SLC7A7: variants seen among roughly 807,000 people sequenced by gnomAD.
The protein encoded by SLC7A7 is Y+L amino acid transporter 1.
A neutral mutation model predicts 47.9 loss-of-function variants in SLC7A7; 39 were observed. The observed-to-expected ratio is 0.81, with a 90% confidence interval of 0.63 to 1.06. SLC7A7 has a LOEUF of 1.06. SLC7A7 is among the 50% of genes least tolerant of loss of function. The probability of loss-of-function intolerance (pLI) is 0.00; values close to 1 mark genes in which losing one functional copy is unlikely to be tolerated. For synonymous variants in SLC7A7, 234 were observed against 242.8 expected (o/e 0.96, Z 0.34); for missense variants, 588 against 632.0 (o/e 0.93, Z 0.75).
At chr14:22,810,839 G>A (rs561713765) in intron 2 of SLC7A7, among the ~76,000 whole-genome samples, 5 of 152,064 alleles carry the variant, frequency 3.3e-5, no homozygotes, top group Non-Finnish European at 5.9e-5. Context: ...TTAGCCAGGC[G>A]TGGTGGCACA....
intron 2 of SLC7A7, among the ~76,000 whole-genome samples, chr14:22,800,521 A>C (rs539273418): frequency 6.6e-6 from 1 of 152,280 alleles, no homozygotes; most frequent in African/African-American, 2.4e-5. Flanking sequence ...GGGTGCTACA[A>C]CACTCATTCT....
intron 2 of SLC7A7, among the ~76,000 whole-genome samples, chr14:22,793,484 C>A (rs1566452441): frequency 6.6e-6 from 1 of 152,096 alleles, no homozygotes; most frequent in Non-Finnish European, 1.5e-5. Context: ...ACTAGATTGC[C>A]TTTGTAGGAC....
At chr14:22,794,492 G>C (rs2038978254) in intron 2 of SLC7A7, among the ~76,000 whole-genome samples, 1 of 151,984 alleles carries the variant, frequency 6.6e-6, no homozygotes. Context: ...CTTAGCTAGG[G>C]GTCAGTTCAA....
chr14:22,780,243 T>G, intron 2 of SLC7A7, 192 bp from the exon 3 acceptor site: 1 of 593,890 alleles, frequency 1.7e-6, no homozygotes. Flanking sequence ...AAGGCCTCTA[T>G]ACTCCCCACC....
intron 2 of SLC7A7, among the ~76,000 whole-genome samples, chr14:22,796,177 C>T (rs549933090): frequency 3.3e-5 from 5 of 152,060 alleles, no homozygotes; most frequent in Non-Finnish European, 7.4e-5. Context: ...GTAGAAGGTT[C>T]AAAGGGCAAA....
intron 4 of SLC7A7, among the ~76,000 whole-genome samples, chr14:22,776,671 A>G (rs1167155803): frequency 1.3e-5 from 2 of 152,100 alleles, no homozygotes; most frequent in Non-Finnish European, 2.9e-5. Flanking sequence ...TGTCTCTACA[A>G]AAAACTAGCC....
In SLC7A7 at chr14:22,813,197, A is replaced by G; in HGVS notation, c.202T>C (p.Ser68Pro). 1 of 1,614,178 alleles carries G rather than the reference A, an allele frequency of 6.2e-7. No individual in the cohort carries two copies. The highest frequency in any genetic ancestry group is 2.2e-5 in the East Asian group (1 of 44,878). The change falls in exon 2 of 10, where the codon TCC becomes CCC. Residue 68 changes from serine (S) to proline (P), a missense_variant. Transcript: ENST00000674313. The stretch of plus-strand genomic sequence containing the variant: ...CAGATGACCAGAGAGAGACCAAAGG[A>G]GGCACTGTATATGAGCACACCCTTG... ...SPKGVLIYSA[S>P]FGLSLVIWAV...
At chr14:22,782,414 AT>A (rs34293345) in intron 2 of SLC7A7, among the ~76,000 whole-genome samples, 3,326 of 137,186 alleles carry the variant, frequency 0.024, 117 homozygotes, top group African/African-American at 0.078. Context: ...ATATTTTATT[AT>A]TTTTTTTTAT....
chr14:22,799,420 G>GTTTCTCTT (rs2039071038), intron 2 of SLC7A7, among the ~76,000 whole-genome samples: 1 of 139,002 alleles, frequency 7.2e-6, no homozygotes, highest in South Asian at 2.3e-4. Context: ...TGTTCCTGTG[G>GTTTCTCTT]TTTCTTTTTC....
At chr14:22,778,148 C>G in intron 4 of SLC7A7, among the ~76,000 whole-genome samples, 1 of 152,112 alleles carries the variant, frequency 6.6e-6, no homozygotes, top group Non-Finnish European at 1.5e-5. Flanking sequence ...AATTTTAGAG[C>G]CAGGAAAGGC....
At chr14:22,800,945 A>C (rs1443140787) in intron 2 of SLC7A7, among the ~76,000 whole-genome samples, 1 of 151,856 alleles carries the variant, frequency 6.6e-6, no homozygotes, top group Admixed American at 6.6e-5. Context: ...ACCTCAAAAA[A>C]AGAAAAAAAA....
chr14:22,792,427 G>A (rs1566451682), intron 2 of SLC7A7, among the ~76,000 whole-genome samples: 2 of 152,226 alleles, frequency 1.3e-5, no homozygotes, highest in Admixed American at 6.5e-5. Context: ...GCTGGACTTG[G>A]TGGTGCACAC....
upstream of SLC7A7, among the ~76,000 whole-genome samples, chr14:22,819,424 A>G (rs2039447238): frequency 6.6e-6 from 1 of 152,044 alleles, no homozygotes; most frequent in Non-Finnish European, 1.5e-5. Context: ...AAAAAAAAAA[A>G]AAGTGAAACA....
At chr14:22,799,640 A>G (rs1241221673) in intron 2 of SLC7A7, among the ~76,000 whole-genome samples, 2 of 151,068 alleles carry the variant, frequency 1.3e-5, no homozygotes, top group African/African-American at 2.4e-5. Flanking sequence ...TTTTTAGTAG[A>G]GACAGGGTTT....
intron 2 of SLC7A7, among the ~76,000 whole-genome samples, chr14:22,805,525 A>G (rs1434023698): frequency 6.6e-6 from 1 of 152,208 alleles, no homozygotes; most frequent in African/African-American, 2.4e-5. Context: ...AGAAAACCAA[A>G]CACCAAATGT....
intron 2 of SLC7A7, among the ~76,000 whole-genome samples, chr14:22,800,423 G>A (rs1336887854): frequency 6.6e-6 from 1 of 152,220 alleles, no homozygotes; most frequent in Non-Finnish European, 1.5e-5. Context: ...ATGGTCTTCT[G>A]TGAATGCCTC....
At chr14:22,792,014 CTTAGTACAGACGGGG>C (rs2038932571) in intron 2 of SLC7A7, among the ~76,000 whole-genome samples, 1 of 151,890 alleles carries the variant, frequency 6.6e-6, no homozygotes, top group Non-Finnish European at 1.5e-5. Context: ...TTTTTGTACT[CTTAGTACAGACGGGG>C]TTTCACCATG....
At position 22,813,366 on chromosome 14, in the gene SLC7A7, G is replaced by A; in HGVS notation, c.33C>T (p.Ser11=). The A allele has an allele frequency of 6.2e-7, 1 of 1,613,522 alleles. No individual in the cohort carries two copies. Among genetic ancestry groups the A allele is most frequent in the Non-Finnish European group, 8.5e-7 (1 of 1,180,028 alleles). The change falls in exon 2 of 10, where the codon TCC becomes TCT. Residue 11 remains serine (S), a synonymous_variant. Transcript: ENST00000674313. MVDSTEYEVA[S]QPEVETSPLG... is the part of the protein sequence containing the mutation. Reference sequence around the variant, plus strand: ...AAGGGGAGGTTTCCACCTCAGGCTGGGAGGCCACTTCATACTCAGTGCTGT... The same window carrying A: ...AAGGGGAGGTTTCCACCTCAGGCTGAGAGGCCACTTCATACTCAGTGCTGT...
Position 22,778,681 on chromosome 14 carries a change from G to A in SLC7A7, c.770+112C>T, listed in dbSNP as rs2038660149. 6 of 1,169,252 alleles carry A rather than the reference G, an allele frequency of 5.1e-6. No homozygotes were observed. In the South Asian group the frequency reaches 6.0e-5, roughly 12 times the overall value. The allele number at this position is 1,169,252 out of a possible 1,614,324, so 72.4% of individuals were successfully genotyped here. A position where few individuals can be genotyped will look rare whatever the true frequency, so the allele number is the denominator to read the frequency against. On this transcript the variant is annotated intron_variant, in intron 4 of 9. Coordinates refer to ENST00000674313, the MANE Select transcript of SLC7A7 (RefSeq NM_003982.4). ...CCTCAGGCCTCCCATCTATTAAAAT[G>A]AGGCTGGTAAAATTAACCTCATAGT...
Sources: allele counts gnomAD v4.1 joint callset (sites outside exome capture counted in the v4.1 genomes callset), GRCh38; gene constraint gnomAD v4.1.1; transcripts MANE v1.5; gene names NCBI Gene and HGNC (gene_info 2026-07-23, HGNC 2026-07-21).